The following ADGRG1 variants were observed in gnomAD, a reference collection of about 807,000 sequenced individuals.
The protein encoded by ADGRG1 is 7-transmembrane protein with no EGF-like N-terminal domains-1.
In ADGRG1, 53 loss-of-function variants were observed where a neutral mutation model predicts 73.5. That is an observed-to-expected ratio of 0.72 (90% CI 0.58 to 0.91). ADGRG1 has a LOEUF of 0.91. Among genes scored for constraint, ADGRG1 ranks in the 40% least tolerant of loss-of-function variants. The pLI, the probability that ADGRG1 is intolerant of heterozygous loss-of-function variation, is 0.00. For missense variants in ADGRG1, 795 were observed against 871.8 expected (o/e 0.91, Z 1.11); for synonymous variants, 394 against 374.4 (o/e 1.05, Z -0.60).
intron 1 of ADGRG1, chr16:57,646,515 G>T (rs1398741075): frequency 1.0e-6 from 1 of 985,306 alleles, no homozygotes; most frequent in Non-Finnish European, 1.2e-6. Flanking sequence ...GTCAAGGGCG[G>T]CTGCTCTGGA....
At chr16:57,646,916 G>A in intron 1 of ADGRG1, 1 of 985,074 alleles carries the variant, frequency 1.0e-6, no homozygotes, top group Non-Finnish European at 1.2e-6. Flanking sequence ...TGTGAGCAGA[G>A]GCAGGGCCCT....
At chr16:57,626,786 C>G, upstream of ADGRG1, 1 of 984,930 alleles carries the variant, frequency 1.0e-6, no homozygotes, top group Non-Finnish European at 1.2e-6. Context: ...TGAGGCTGCC[C>G]GGGTTACCAG....
intron 1 of ADGRG1, among the ~76,000 whole-genome samples, chr16:57,649,060 C>T (rs1194338648): frequency 1.3e-5 from 2 of 152,216 alleles, no homozygotes; most frequent in East Asian, 3.8e-4. Context: ...AGTAGCCGCT[C>T]AGCTAATAGA....
chr16:57,659,463 C>T lies in ADGRG1; in HGVS notation c.1337C>T (p.Ala446Val). 1.2e-6 allele frequency: 2 copies of T among 1,613,756 alleles called. No individual in the cohort carries two copies. The highest frequency in any genetic ancestry group is 1.7e-6 in the Non-Finnish European group (2 of 1,179,868). The change falls in exon 11 of 14, where the codon GCC becomes GTC. Residue 446 changes from alanine to valine, a missense_variant. Transcript: ENST00000562631. ...TIKVHMNLLL[A>V]VFLLDTSFLL... ...AAGGTGCACATGAACCTGCTGCTGGCCGTCTTCCTGCTGGACACGAGCTTC... is the reference window on the plus strand; with the variant it reads ...AAGGTGCACATGAACCTGCTGCTGGTCGTCTTCCTGCTGGACACGAGCTTC...
chr16:57,649,609 G>A (rs1430229022), intron 1 of ADGRG1, among the ~76,000 whole-genome samples: 1 of 152,096 alleles, frequency 6.6e-6, no homozygotes, highest in Non-Finnish European at 1.5e-5. Flanking sequence ...GGTGGTGACG[G>A]TTCCAGGTAG....
At chr16:57,621,945 A>G in intron 2 of ADGRG1, 1 of 853,722 alleles carries the variant, frequency 1.2e-6, no homozygotes. Flanking sequence ...TGCCCTCTCC[A>G]CTGGGGGAAT....
chr16:57,627,011 C>T, upstream of ADGRG1: 1 of 984,018 alleles, frequency 1.0e-6, no homozygotes, highest in Non-Finnish European at 1.2e-6. Flanking sequence ...CCCACTGTGC[C>T]TCCCTGCCCC....
At chr16:57,660,599 G>A in intron 11 of ADGRG1, 169 bp from the exon 12 acceptor site, 1 of 924,502 alleles carries the variant, frequency 1.1e-6, no homozygotes, top group Non-Finnish European at 1.3e-6. Context: ...ACTGGAATGG[G>A]GAGGGGGAGG....
intron 11 of ADGRG1, chr16:57,660,379 T>C (rs1198760501): frequency 1.0e-6 from 1 of 985,012 alleles, no homozygotes; most frequent in Non-Finnish European, 1.2e-6. Context: ...GCTTCTAATC[T>C]CCACCGAACG....
chr16:57,663,394 G>T, intron 13 of ADGRG1, 58 bp from the exon 14 acceptor site: 1 of 1,606,044 alleles, frequency 6.2e-7, no homozygotes, highest in Non-Finnish European at 8.5e-7. Context: ...GGGGAGGGAG[G>T]AGGAGGGATG....
At position 57,654,241 on chromosome 16, in the gene ADGRG1, G is replaced by A. The variant is rs12445163; in HGVS notation, c.768+108G>A. The A allele has an allele frequency of 1.2e-4, 133 of 1,138,448 alleles. 1 individual carries two copies. In the East Asian group the frequency reaches 1.5e-3, roughly 13 times the overall value. The allele number at this position is 1,138,448 out of a possible 1,614,324, so 70.5% of individuals were successfully genotyped here. On this transcript the variant is annotated intron_variant, in intron 5 of 13. Coordinates refer to ENST00000562631, the MANE Select transcript of ADGRG1 (RefSeq NM_201525.4). ...CTCAGTGCCGTCGCAGCCTCTCCCT[G>A]GGGCCTCCCGAGAAGGTTCCAGGCC...
intron 5 of ADGRG1, 39 bp downstream of exon 5, chr16:57,654,172 G>C: frequency 6.3e-7 from 1 of 1,597,256 alleles, no homozygotes; most frequent in Non-Finnish European, 8.5e-7. Flanking sequence ...ATGCGGGTTG[G>C]GCCGGGGCCA....
At position 57,650,233 on chromosome 16, in the gene ADGRG1, A is replaced by T; in HGVS notation, c.-35-20A>T. ...ACCACACAGTCCACACTCCCAGCTAACACTCCTGGTCTCTTCCAGGTGGTG... is the reference window on the plus strand; with the variant it reads ...ACCACACAGTCCACACTCCCAGCTATCACTCCTGGTCTCTTCCAGGTGGTG... On this transcript the variant is annotated intron_variant, in intron 1 of 13. Transcript: ENST00000562631. 6.3e-7 allele frequency: 1 copy of T among 1,585,080 alleles called. No homozygotes were observed.
Position 57,651,405 on chromosome 16 carries a change from C to G in ADGRG1, c.270C>G (p.Phe90Leu), listed in dbSNP as rs1223887127. 1.2e-6 allele frequency: 2 copies of G among 1,614,122 alleles called. No individual in the cohort carries two copies. The highest frequency in any genetic ancestry group is 2.7e-5 in the African/African-American group (2 of 74,940). ...SFPDPRGLYH[F>L]CLYWNRHAGR... ...CTGACCCCAGGGGCCTCTACCACTT[C>G]TGCCTCTACTGGAACCGACATGCTG... The change falls in exon 3 of 14, where the codon TTC becomes TTG. Residue 90 changes from phenylalanine (F) to leucine (L), a missense_variant. Phe to Leu is a conservative substitution (Grantham distance 22). Transcript: ENST00000562631.
At chr16:57,655,361 G>C (rs751162992) in intron 5 of ADGRG1, 38 bp from the exon 6 acceptor site, 3 of 1,608,266 alleles carry the variant, frequency 1.9e-6, no homozygotes, top group Non-Finnish European at 1.7e-6. Flanking sequence ...CGGATCTAGG[G>C]GTCCGCATTT....
intron 1 of ADGRG1, chr16:57,635,821 T>TGTGTCCCTGGGCAAGCTCC (rs2039215788): frequency 2.0e-6 from 2 of 984,570 alleles, no homozygotes; most frequent in Non-Finnish European, 2.4e-6. Flanking sequence ...TTACGAGCTC[T>TGTGTCCCTGGGCAAGCTCC]GTGTCCCTGG....
upstream of ADGRG1, chr16:57,625,586 C>T (rs1340951099): frequency 2.0e-6 from 2 of 983,970 alleles, no homozygotes; most frequent in Non-Finnish European, 2.4e-6. Context: ...TGGTACAAGT[C>T]CCTGGCGTCT....
upstream of ADGRG1, chr16:57,623,906 C>A: frequency 1.3e-6 from 1 of 797,254 alleles, no homozygotes; most frequent in Non-Finnish European, 1.5e-6. Flanking sequence ...GACTCTGTTG[C>A]CAACTTGCTG....
At chr16:57,646,781 C>T (rs1366658019) in intron 1 of ADGRG1, 2 of 867,112 alleles carry the variant, frequency 2.3e-6, no homozygotes, top group Admixed American at 6.2e-5. Flanking sequence ...AAAATGGTAG[C>T]AGTGAGACCC....
Sources: allele counts gnomAD v4.1 joint callset (sites outside exome capture counted in the v4.1 genomes callset), GRCh38; gene constraint gnomAD v4.1.1; transcripts MANE v1.5; gene names NCBI Gene and HGNC (gene_info 2026-07-23, HGNC 2026-07-21).